Variants in CDK8 observed in about 807,000 individuals in gnomAD.
CDK8 encodes cyclin-dependent kinase 8.
In CDK8, 29 loss-of-function variants were observed where a neutral mutation model predicts 71.5. That is an observed-to-expected ratio of 0.41 (90% CI 0.30 to 0.55). The LOEUF is 0.55. Ranked by LOEUF, CDK8 falls within the 20% of genes least tolerant of loss-of-function variation. CDK8 has a pLI of 0.37. For missense variants in CDK8, 288 were observed against 572.6 expected, an observed-to-expected ratio of 0.50 and a Z score of 5.07; for synonymous variants, 161 against 192.1, an observed-to-expected ratio of 0.84 and a Z score of 1.34.
intron 8 of CDK8, among the ~76,000 whole-genome samples, chr13:26,396,862 G>A (rs1876018463): frequency 6.6e-6 from 1 of 151,674 alleles, no homozygotes; most frequent in South Asian, 2.1e-4. Context: ...TGACCCAGAT[G>A]TTATTTAAAA....
intron 4 of CDK8, among the ~76,000 whole-genome samples, chr13:26,366,523 C>T (rs1874397122): frequency 6.6e-6 from 1 of 151,994 alleles, no homozygotes; most frequent in African/African-American, 2.4e-5. Context: ...TTTACCTTCC[C>T]TTTTAATAGT....
chr13:26,396,415 G>C, intron 8 of CDK8, 61 bp downstream of exon 8: 1 of 639,452 alleles, frequency 1.6e-6, no homozygotes, highest in African/African-American at 1.9e-5. Context: ...CTCAGTGTAA[G>C]ACTGAATATT....
chr13:26,356,480 C>T (rs540085053), intron 4 of CDK8, among the ~76,000 whole-genome samples: 22 of 152,278 alleles, frequency 1.4e-4, no homozygotes, highest in Non-Finnish European at 2.8e-4. Context: ...GTCTCACGCA[C>T]GCAGAAGTCC....
At chr13:26,260,084 C>G (rs1279963918) in intron 1 of CDK8, among the ~76,000 whole-genome samples, 3 of 152,124 alleles carry the variant, frequency 2.0e-5, no homozygotes, top group African/African-American at 7.2e-5. Context: ...AGGAATAGGA[C>G]AAAGGGATTT....
chr13:26,335,187 T>C (rs1872924442), intron 1 of CDK8, among the ~76,000 whole-genome samples: 1 of 152,194 alleles, frequency 6.6e-6, no homozygotes, highest in South Asian at 2.1e-4. Context: ...TATGTTGTCT[T>C]AGTTTACGTA....
At chr13:26,334,415 T>C (rs886997585) in intron 1 of CDK8, among the ~76,000 whole-genome samples, 11 of 152,342 alleles carry the variant, frequency 7.2e-5, no homozygotes, top group Middle Eastern at 6.8e-3. Flanking sequence ...AAGTGTCTAA[T>C]AGACTATTCT....
chr13:26,343,006 G>C (rs1017087915), intron 2 of CDK8, among the ~76,000 whole-genome samples: 4 of 152,050 alleles, frequency 2.6e-5, no homozygotes, highest in Admixed American at 1.3e-4. Flanking sequence ...GTGTCTCTCT[G>C]TATGTCCTCA....
intron 5 of CDK8, among the ~76,000 whole-genome samples, chr13:26,384,089 A>G (rs934937621): frequency 2.6e-5 from 4 of 152,220 alleles, no homozygotes; most frequent in East Asian, 3.8e-4. Context: ...CACTAAAACA[A>G]TCTAGTTTGG....
chr13:26,391,372 G>A (rs1875738656), intron 6 of CDK8, among the ~76,000 whole-genome samples: 1 of 152,190 alleles, frequency 6.6e-6, no homozygotes, highest in African/African-American at 2.4e-5. Context: ...CTCCTGAGTA[G>A]CTGGGACTAC....
intron 5 of CDK8, 115 bp from the exon 6 acceptor site, chr13:26,385,096 T>TC (rs1875412694): frequency 1.2e-6 from 1 of 804,238 alleles, no homozygotes; most frequent in Non-Finnish European, 1.9e-6. Flanking sequence ...GTGGGTTTCT[T>TC]CCCCTAGAAT....
chr13:26,304,989 G>C (rs1244054600), intron 1 of CDK8, among the ~76,000 whole-genome samples: 1 of 152,026 alleles, frequency 6.6e-6, no homozygotes, highest in Non-Finnish European at 1.5e-5. Context: ...TTTTAATTCT[G>C]TATGCCTGTA....
At chr13:26,371,212 T>G (rs561040381) in intron 4 of CDK8, among the ~76,000 whole-genome samples, 2 of 152,340 alleles carry the variant, frequency 1.3e-5, no homozygotes, top group South Asian at 4.1e-4. Flanking sequence ...TTTAGGACTT[T>G]TATATATCAA....
intron 1 of CDK8, among the ~76,000 whole-genome samples, chr13:26,279,365 T>TCTC (rs1872662167): frequency 6.6e-6 from 1 of 152,090 alleles, no homozygotes; most frequent in Non-Finnish European, 1.5e-5. Flanking sequence ...CCTTTGTAAT[T>TCTC]GAGAGTCTGG....
At position 26,303,370 on chromosome 13, in the gene CDK8, G is replaced by C. The variant is rs545966564; in HGVS notation, c.129-34197G>C. On this transcript the variant is annotated intron_variant, in intron 1 of 12. Transcript: ENST00000381527. ...GGCTGGAGTGCAGTGGCACGATCTC[G>C]GTTTGTTGCAACCTCCGCCTCCTGG... Among the ~76,000 whole-genome samples, 136 of 151,686 alleles carry C rather than the reference G, an allele frequency of 9.0e-4. 1 individual carries two copies. Among genetic ancestry groups the C allele is most frequent in the African/African-American group, 3.2e-3 (132 of 41,354 alleles).
At chr13:26,275,070 G>A (rs9512175) in intron 1 of CDK8, among the ~76,000 whole-genome samples, 25,872 of 151,950 alleles carry the variant, frequency 0.17, 3,868 homozygotes, top group African/African-American at 0.41. Flanking sequence ...TCGAAATGCT[G>A]CTTTTATCAT....
intron 1 of CDK8, among the ~76,000 whole-genome samples, chr13:26,321,351 A>C (rs1175707): frequency 0.42 from 63,927 of 151,908 alleles, 13,649 homozygotes; most frequent in East Asian, 0.6. Context: ...ATAGAGACAG[A>C]AAGTGGAATG....
At chr13:26,271,211 C>T (rs761465611) in intron 1 of CDK8, among the ~76,000 whole-genome samples, 2 of 151,852 alleles carry the variant, frequency 1.3e-5, no homozygotes, top group African/African-American at 4.8e-5. Flanking sequence ...GATACTGAAC[C>T]CTTATCAGAT....
intron 2 of CDK8, among the ~76,000 whole-genome samples, chr13:26,338,139 G>A (rs1019241048): frequency 1.3e-5 from 2 of 151,994 alleles, no homozygotes. Context: ...GATTCCAAAG[G>A]GAAGTAGTCT....
chr13:26,277,882 C>G (rs138222536), intron 1 of CDK8, among the ~76,000 whole-genome samples: 62 of 152,252 alleles, frequency 4.1e-4, no homozygotes, highest in African/African-American at 1.4e-3. Context: ...GCAGCATAAG[C>G]ATATTCTCCC....
Sources: allele counts gnomAD v4.1 joint callset (sites outside exome capture counted in the v4.1 genomes callset), GRCh38; gene constraint gnomAD v4.1.1; transcripts MANE v1.5; gene names NCBI Gene and HGNC (gene_info 2026-07-23, HGNC 2026-07-21).